Variants in CNTN5 observed in about 807,000 individuals in gnomAD.
The protein encoded by CNTN5 is contactin 5, also known as contactin-5.
In CNTN5, 77 loss-of-function variants were observed where a neutral mutation model predicts 129.1. That is an observed-to-expected ratio of 0.60 (90% CI 0.50 to 0.72). CNTN5 has a LOEUF of 0.72. CNTN5 is among the 30% of genes least tolerant of loss of function. The pLI is 0.00. For synonymous variants in CNTN5, 509 were observed against 465.6 expected, an observed-to-expected ratio of 1.09 and a Z score of -1.20; for missense variants, 1,478 against 1,328.8, an observed-to-expected ratio of 1.11 and a Z score of -1.75.
chr11:99,489,507 C>T (rs553388374), intron 2 of CNTN5, among the ~76,000 whole-genome samples: 4 of 152,216 alleles, frequency 2.6e-5, no homozygotes, highest in African/African-American at 7.2e-5. Context: ...TCTAGTGGTT[C>T]CTGGCTTTAA....
rs1555137775 is a variant in CNTN5 at position 99,408,448 on chromosome 11, G to GAGAAAGAAAGAAAGAAAGAAAGAA, written c.-71+82999_-71+83022dup. On this transcript the variant is annotated intron_variant, in intron 2 of 24. Transcript: ENST00000524871. ...AAAGAAAAAGAAAGAAAGAAAGAAA[G>GAGAAAGAAAGAAAGAAAGAAAGAA]AGAAAGAAAGAAAGAAAGAAAGAAA... Among the ~76,000 whole-genome samples the GAGAAAGAAAGAAAGAAAGAAAGAA allele has an allele frequency of 7.0e-4, 55 of 78,132 alleles. 1 individual carries two copies. The highest frequency in any genetic ancestry group is 1.1e-3 in the Non-Finnish European group (45 of 40,716). 51.3% of individuals were successfully genotyped at this position (78,132 alleles called of 152,430 possible).
intron 16 of CNTN5, among the ~76,000 whole-genome samples, chr11:100,236,815 A>G (rs762342856): frequency 1.3e-5 from 2 of 152,004 alleles, no homozygotes; most frequent in African/African-American, 2.4e-5. Flanking sequence ...ATCTCCTACA[A>G]TTGTAAAGCC....
intron 1 of CNTN5, among the ~76,000 whole-genome samples, chr11:99,048,725 C>T (rs934033873): frequency 3.3e-5 from 5 of 152,242 alleles, no homozygotes; most frequent in Non-Finnish European, 5.9e-5. Context: ...GGGTACACCA[C>T]GAAATTCTGT....
At chr11:99,313,339 C>T (rs1214679034) in intron 1 of CNTN5, among the ~76,000 whole-genome samples, 2 of 152,036 alleles carry the variant, frequency 1.3e-5, no homozygotes, top group African/African-American at 2.4e-5. Flanking sequence ...CACAGATTTT[C>T]ACTTCTTTTG....
chr11:99,971,741 T>TG (rs1191336905), intron 8 of CNTN5, among the ~76,000 whole-genome samples: 38 of 152,066 alleles, frequency 2.5e-4, no homozygotes, highest in African/African-American at 9.2e-4. Context: ...CAAAGAATAA[T>TG]GTTTTGTTAT....
chr11:100,262,581 A>G (rs1039656273), intron 17 of CNTN5, among the ~76,000 whole-genome samples: 2 of 152,344 alleles, frequency 1.3e-5, no homozygotes, highest in African/African-American at 4.8e-5. Flanking sequence ...AAAATGTGGC[A>G]CATATATGCC....
At chr11:99,834,566 A>G (rs532836665) in intron 4 of CNTN5, among the ~76,000 whole-genome samples, 1 of 152,224 alleles carries the variant, frequency 6.6e-6, no homozygotes, top group South Asian at 2.1e-4. Context: ...TTGCACTTTT[A>G]TTTGTCCTTT....
intron 3 of CNTN5, among the ~76,000 whole-genome samples, chr11:99,627,900 C>A (rs1474584048): frequency 6.7e-6 from 1 of 149,700 alleles, no homozygotes; most frequent in Non-Finnish European, 1.5e-5. Flanking sequence ...GACCATTCAC[C>A]AAAATAAAAT....
intron 1 of CNTN5, among the ~76,000 whole-genome samples, chr11:99,144,335 C>A (rs757100006): frequency 1.3e-5 from 2 of 152,226 alleles, no homozygotes; most frequent in Non-Finnish European, 2.9e-5. Context: ...TAAATATCTT[C>A]AAATAGTAAT....
At chr11:99,516,725 C>T (rs1343337466) in intron 2 of CNTN5, among the ~76,000 whole-genome samples, 1 of 152,054 alleles carries the variant, frequency 6.6e-6, no homozygotes, top group Non-Finnish European at 1.5e-5. Flanking sequence ...TTACCTCAAT[C>T]CTAATCCTGA....
At chr11:99,933,529 A>G (rs1950238477) in intron 7 of CNTN5, among the ~76,000 whole-genome samples, 1 of 152,060 alleles carries the variant, frequency 6.6e-6, no homozygotes, top group South Asian at 2.1e-4. Flanking sequence ...CATCCCTGAT[A>G]TTCATTGATG....
intron 21 of CNTN5, among the ~76,000 whole-genome samples, chr11:100,319,651 T>G (rs1951645927): frequency 6.6e-6 from 1 of 152,196 alleles, no homozygotes; most frequent in Non-Finnish European, 1.5e-5. Context: ...AATGTTGAGC[T>G]TATTGATCTT....
intron 2 of CNTN5, among the ~76,000 whole-genome samples, chr11:99,409,465 C>T (rs1478597666): frequency 5.3e-5 from 8 of 151,906 alleles, no homozygotes; most frequent in South Asian, 2.1e-4. Flanking sequence ...AGCGAGATTC[C>T]GTCTCAAAAA....
intron 3 of CNTN5, among the ~76,000 whole-genome samples, chr11:99,797,977 G>C (rs751643572): frequency 4.6e-5 from 7 of 151,784 alleles, no homozygotes; most frequent in Admixed American, 1.3e-4. Flanking sequence ...TTTATTTTAC[G>C]TTCAAGGATA....
intron 14 of CNTN5, among the ~76,000 whole-genome samples, chr11:100,193,149 C>T (rs1054606142): frequency 2.0e-5 from 3 of 151,816 alleles, no homozygotes. Flanking sequence ...CTTAATGATC[C>T]TTGAAAGTGG....
At chr11:99,955,638 C>A (rs1004376892) in intron 7 of CNTN5, among the ~76,000 whole-genome samples, 4 of 151,994 alleles carry the variant, frequency 2.6e-5, no homozygotes, top group Non-Finnish European at 5.9e-5. Context: ...CGGCTCACTG[C>A]AAGCTCCGCC....
intron 2 of CNTN5, among the ~76,000 whole-genome samples, chr11:99,386,284 C>T (rs1940921266): frequency 6.6e-6 from 1 of 152,138 alleles, no homozygotes; most frequent in Non-Finnish European, 1.5e-5. Flanking sequence ...GTCCACAGTG[C>T]AAAGCAAAAA....
intron 1 of CNTN5, among the ~76,000 whole-genome samples, chr11:99,315,644 G>A (rs967309022): frequency 2.7e-5 from 4 of 149,470 alleles, no homozygotes; most frequent in Admixed American, 1.3e-4. Context: ...GGAAAAAATA[G>A]ATAATATTAA....
At chr11:99,727,516 T>C (rs1361487481) in intron 3 of CNTN5, among the ~76,000 whole-genome samples, 1 of 151,924 alleles carries the variant, frequency 6.6e-6, no homozygotes. Flanking sequence ...CCATCCTTAA[T>C]TGTTTCATAG....
Sources: gnomAD v4.1 joint callset for allele counts (sites outside exome capture counted in the v4.1 genomes callset) on GRCh38, gnomAD v4.1.1 for gene constraint, MANE v1.5 for transcripts, NCBI Gene and HGNC (gene_info 2026-07-23, HGNC 2026-07-21) for gene names.